Variants in IMMP2L observed in about 807,000 individuals in gnomAD.
IMMP2L encodes the protein mitochondrial inner membrane protease subunit 2.
IMMP2L carries 18 observed loss-of-function variants against 19.3 expected under a neutral mutation model. The ratio of observed to expected loss-of-function variants is 0.93; its 90% CI spans 0.64 to 1.38. The LOEUF (loss-of-function observed/expected upper bound fraction) is 1.38. IMMP2L is among the 40% of genes most tolerant of loss of function. The pLI is 0.00. For synonymous variants in IMMP2L, 76 were observed against 73.0 expected (o/e 1.04, Z -0.21); for missense variants, 233 against 218.2 (o/e 1.07, Z -0.43).
At chr7:111,186,595 A>T (rs1808292730) in intron 3 of IMMP2L, among the ~76,000 whole-genome samples, 1 of 151,738 alleles carries the variant, frequency 6.6e-6, no homozygotes, top group African/African-American at 2.4e-5. Context: ...AGCCTGGCTA[A>T]TTTTTTTGTA....
intron 3 of IMMP2L, among the ~76,000 whole-genome samples, chr7:111,152,389 T>C (rs551915729): frequency 6.6e-5 from 10 of 152,210 alleles, no homozygotes; most frequent in Middle Eastern, 6.8e-3. Flanking sequence ...ACCAACAGTA[T>C]AGTACTCCCT....
At chr7:111,010,738 T>A (rs1824854114) in intron 3 of IMMP2L, among the ~76,000 whole-genome samples, 1 of 151,982 alleles carries the variant, frequency 6.6e-6, no homozygotes, top group Admixed American at 6.6e-5. Context: ...TTGGAAGAAA[T>A]CAGATAACTG....
intron 3 of IMMP2L, among the ~76,000 whole-genome samples, chr7:111,180,753 C>T (rs146177241): frequency 1.3e-5 from 2 of 151,990 alleles, no homozygotes; most frequent in Non-Finnish European, 2.9e-5. Flanking sequence ...CATGCATTCA[C>T]ACGTATATAT....
At chr7:111,236,037 A>T (rs1167217538) in intron 3 of IMMP2L, among the ~76,000 whole-genome samples, 1 of 152,002 alleles carries the variant, frequency 6.6e-6, no homozygotes, top group East Asian at 1.9e-4. Context: ...AGTCTTTTTC[A>T]CATCTTCCAT....
At chr7:111,500,470 G>C (rs1015910955) in intron 2 of IMMP2L, among the ~76,000 whole-genome samples, 3 of 152,146 alleles carry the variant, frequency 2.0e-5, no homozygotes, top group Non-Finnish European at 4.4e-5. Flanking sequence ...GGTTCTCCCA[G>C]CACACAGCTG....
rs994262401 is a variant in IMMP2L, at chr7:111,367,479, C to T, written c.239+119759G>A. Among the ~76,000 whole-genome samples, 76 of 145,448 alleles carry T rather than the reference C, an allele frequency of 5.2e-4. 1 individual carries two copies. Among genetic ancestry groups the T allele is most frequent in the Non-Finnish European group, 7.9e-4 (52 of 65,518 alleles). ...GTACTTGTTTCTCTCAGCAAAAAGG[C>T]TTTTTTTTTTTAACACAACATGTAG... is the stretch of plus-strand genomic sequence containing the variant. On this transcript the variant is annotated intron_variant, in intron 3 of 5. Transcript: ENST00000405709.
At chr7:111,363,084 T>TA (rs769763076) in intron 3 of IMMP2L, among the ~76,000 whole-genome samples, 4 of 152,212 alleles carry the variant, frequency 2.6e-5, no homozygotes, top group Middle Eastern at 3.4e-3. Context: ...CCCTTCTCTC[T>TA]GTCTCTTTTT....
intron 3 of IMMP2L, among the ~76,000 whole-genome samples, chr7:111,357,923 T>A (rs1192765963): frequency 6.6e-6 from 1 of 151,760 alleles, no homozygotes; most frequent in Non-Finnish European, 1.5e-5. Flanking sequence ...TAATGCCTCC[T>A]ACACCACACC....
chr7:110,996,745 G>A (rs11772538), intron 3 of IMMP2L, among the ~76,000 whole-genome samples: 1 of 151,482 alleles, frequency 6.6e-6, no homozygotes, highest in African/African-American at 2.4e-5. Context: ...AAATGATACA[G>A]AGATTCTGTA....
At chr7:111,035,550 T>C (rs1791253508) in intron 3 of IMMP2L, among the ~76,000 whole-genome samples, 1 of 152,176 alleles carries the variant, frequency 6.6e-6, no homozygotes, top group African/African-American at 2.4e-5. Flanking sequence ...ACACAGGTGA[T>C]TGTGCAGCCA....
intron 5 of IMMP2L, among the ~76,000 whole-genome samples, chr7:110,864,375 C>G (rs2129543136): frequency 6.6e-6 from 1 of 152,066 alleles, no homozygotes; most frequent in African/African-American, 2.4e-5. Flanking sequence ...TTCAAATATA[C>G]ACAGGGACAC....
chr7:111,408,113 T>A (rs1234224233), intron 3 of IMMP2L, among the ~76,000 whole-genome samples: 1 of 152,040 alleles, frequency 6.6e-6, no homozygotes, highest in Admixed American at 6.6e-5. Flanking sequence ...CCTTAAATGC[T>A]AAGCAACAGC....
In IMMP2L at chr7:111,320,583, C is replaced by G. The variant is rs985360403; in HGVS notation, c.239+166655G>C. On this transcript the variant is annotated intron_variant, in intron 3 of 5. Coordinates refer to ENST00000405709, the MANE Select transcript of IMMP2L (RefSeq NM_032549.4). ...CACTGTTTACAAGGCCCTTGATAAT[C>G]TGACTGGTTGCTGCTCACACTGAAC... is the stretch of plus-strand genomic sequence containing the variant. Among the ~76,000 whole-genome samples the G allele has an allele frequency of 2.0e-5, 3 of 152,032 alleles. No homozygotes were observed. The East Asian group carries it at 5.8e-4, about 29-fold the overall frequency.
intron 3 of IMMP2L, among the ~76,000 whole-genome samples, chr7:111,231,560 C>T (rs1040034968): frequency 1.3e-5 from 2 of 151,948 alleles, no homozygotes; most frequent in Non-Finnish European, 2.9e-5. Context: ...TTTTTCCCCT[C>T]TCATACCAGT....
intron 3 of IMMP2L, among the ~76,000 whole-genome samples, chr7:111,181,631 AC>A (rs1241023801): frequency 6.6e-6 from 1 of 151,996 alleles, no homozygotes; most frequent in Non-Finnish European, 1.5e-5. Context: ...AAATACAAAA[AC>A]TTGAACTTTC....
At chr7:111,297,725 G>A (rs964435456) in intron 3 of IMMP2L, among the ~76,000 whole-genome samples, 1 of 152,004 alleles carries the variant, frequency 6.6e-6, no homozygotes. Flanking sequence ...AAATTGCACA[G>A]AAATAAAAAG....
At chr7:111,462,107 A>G (rs1342287935) in intron 3 of IMMP2L, among the ~76,000 whole-genome samples, 1 of 151,562 alleles carries the variant, frequency 6.6e-6, no homozygotes, top group Non-Finnish European at 1.5e-5. Context: ...TTATTTTAAT[A>G]ATAAATATTC....
intron 5 of IMMP2L, among the ~76,000 whole-genome samples, chr7:110,713,414 G>A (rs1795028242): frequency 1.3e-5 from 2 of 152,060 alleles, no homozygotes; most frequent in East Asian, 1.9e-4. Context: ...GTTTCCATAC[G>A]AATTTTAAAA....
chr7:110,668,791 T>G (rs1342868890), intron 5 of IMMP2L, among the ~76,000 whole-genome samples: 1 of 118,378 alleles, frequency 8.4e-6, no homozygotes, highest in Admixed American at 7.9e-5. Context: ...TTTTTTAATA[T>G]TGAGAATAAT....
Sources: gnomAD v4.1 joint callset for allele counts (sites outside exome capture counted in the v4.1 genomes callset) on GRCh38, gnomAD v4.1.1 for gene constraint, MANE v1.5 for transcripts, NCBI Gene and HGNC (gene_info 2026-07-23, HGNC 2026-07-21) for gene names.